The following MYO6 variants were observed in gnomAD, a reference collection of about 807,000 sequenced individuals.
MYO6 encodes the protein unconventional myosin-VI.
MYO6 carries 74 observed loss-of-function variants against 178.7 expected under a neutral mutation model. The ratio of observed to expected loss-of-function variants is 0.41; its 90% CI spans 0.34 to 0.50. The LOEUF is 0.50. Among genes scored for constraint, MYO6 ranks in the 20% least tolerant of loss-of-function variants. The probability of loss-of-function intolerance (pLI) is 0.09; values close to 1 mark genes in which losing one functional copy is unlikely to be tolerated. For synonymous variants in MYO6, 477 were observed against 504.6 expected, an observed-to-expected ratio of 0.95 and a Z score of 0.73; for missense variants, 1,330 against 1,547.4, an observed-to-expected ratio of 0.86 and a Z score of 2.36.
chr6:75,828,550 G>A lies in MYO6; in HGVS notation c.198G>A (p.Met66Ile), dbSNP rs1403819837. The A allele has an allele frequency of 4.5e-6, 7 of 1,554,926 alleles. No individual in the cohort carries two copies. The highest frequency in any genetic ancestry group is 1.4e-5 in the African/African-American group (1 of 73,594). Reference protein sequence around the residue: ...KKDVEDNCSLMYLNEATLLHN... With the variant: ...KKDVEDNCSLIYLNEATLLHN... ...AATTTTATGTCTTAGGTTCACTAATGTATTTAAATGAAGCCACACTGCTCC... is the reference window on the plus strand; with the variant it reads ...AATTTTATGTCTTAGGTTCACTAATATATTTAAATGAAGCCACACTGCTCC... Residue 66 changes from methionine to isoleucine, a missense_variant, in exon 4 of 35, where the codon ATG becomes ATA. By Grantham distance (10) the Met-to-Ile change is conservative. Transcript: ENST00000369977.
intron 19 of MYO6, among the ~76,000 whole-genome samples, chr6:75,872,758 A>G (rs1371235233): frequency 6.6e-6 from 1 of 151,972 alleles, no homozygotes; most frequent in Non-Finnish European, 1.5e-5. Context: ...GCTTTAAAGC[A>G]GAAAAAGTAT....
intron 1 of MYO6, among the ~76,000 whole-genome samples, chr6:75,777,160 C>T (rs1766473625): frequency 6.6e-6 from 1 of 152,068 alleles, no homozygotes; most frequent in African/African-American, 2.4e-5. Flanking sequence ...ATTTTCATAA[C>T]TGTGATGGAT....
At chr6:75,796,035 A>G (rs1250801011) in intron 1 of MYO6, among the ~76,000 whole-genome samples, 1 of 152,212 alleles carries the variant, frequency 6.6e-6, no homozygotes, top group African/African-American at 2.4e-5. Context: ...TTTTCTTTTA[A>G]TTTTATTTGA....
rs755318350 is a variant in MYO6, at chr6:75,886,901, G to A, written c.2565G>A (p.Glu855=). 17 of 1,613,558 alleles carry A rather than the reference G, an allele frequency of 1.1e-5. No homozygotes were observed. The highest frequency in any genetic ancestry group is 1.3e-5 in the Non-Finnish European group (15 of 1,179,690). The change falls in exon 25 of 35, where the codon GAG becomes GAA. Residue 855 remains glutamate, a synonymous_variant. Coordinates refer to ENST00000369977, the MANE Select transcript of MYO6 (RefSeq NM_004999.4). ...AAAAACGACTTGATAAATTTAATGAGGTAGTCAGTGTGTTGAAAGATGGAA... is the reference window on the plus strand; with the variant it reads ...AAAAACGACTTGATAAATTTAATGAAGTAGTCAGTGTGTTGAAAGATGGAA... ...TLKKRLDKFN[E]VVSVLKDGKP...
In MYO6 at chr6:75,896,486, G is replaced by A. The variant is rs561427925; in HGVS notation, c.3137+1226G>A. 5.9e-5 allele frequency among the ~76,000 whole-genome samples: 9 copies of A among 152,320 alleles called. No individual in the cohort carries two copies. The South Asian group carries it at 1.9e-3, about 32-fold the overall frequency. On this transcript the variant is annotated intron_variant, in intron 29 of 34. Coordinates refer to ENST00000369977, the MANE Select transcript of MYO6 (RefSeq NM_004999.4). ...TGTGAACAATCCTTTGTGAAGTTCT[G>A]AACAGAGCCAAGTACAATATTCTCT... is the stretch of plus-strand genomic sequence containing the variant.
intron 30 of MYO6, among the ~76,000 whole-genome samples, chr6:75,900,816 T>C (rs940627409): frequency 2.0e-5 from 3 of 151,206 alleles, no homozygotes; most frequent in Non-Finnish European, 4.4e-5. Context: ...CCCATGCCTA[T>C]GTCCTGAATG....
chr6:75,766,772 G>C (rs575917476), intron 1 of MYO6, among the ~76,000 whole-genome samples: 2 of 152,242 alleles, frequency 1.3e-5, no homozygotes, highest in South Asian at 4.1e-4. Context: ...GTCAGTGTGT[G>C]TTAAAGCAAT....
At chr6:75,839,838 A>T (rs1774039262) in intron 7 of MYO6, among the ~76,000 whole-genome samples, 1 of 152,112 alleles carries the variant, frequency 6.6e-6, no homozygotes, top group African/African-American at 2.4e-5. Flanking sequence ...TTAATATGTG[A>T]AATGTTTTAG....
At chr6:75,829,661 A>G (rs984030002) in intron 4 of MYO6, among the ~76,000 whole-genome samples, 1 of 152,168 alleles carries the variant, frequency 6.6e-6, no homozygotes, top group Non-Finnish European at 1.5e-5. Flanking sequence ...AACTAAATAA[A>G]GAACATATTT....
rs1281489986 is a variant in MYO6 at position 75,886,777 on chromosome 6, T to C, written c.2508-67T>C. 4.1e-6 allele frequency: 6 copies of C among 1,474,186 alleles called. No individual in the cohort carries two copies. In the African/African-American group the frequency reaches 6.9e-5, roughly 17 times the overall value. 91.3% of individuals were successfully genotyped at this position (1,474,186 alleles called of 1,614,324 possible). On this transcript the variant is annotated intron_variant, in intron 24 of 34. Transcript: ENST00000369977. The stretch of plus-strand genomic sequence containing the variant: ...GTGAAATACCCTGTTTAGCATTTTA[T>C]AAATGAAAAATCTGCCAAAAGTACT...
At chr6:75,840,780 T>C in intron 8 of MYO6, 98 bp downstream of exon 8, 1 of 851,382 alleles carries the variant, frequency 1.2e-6, no homozygotes, top group Non-Finnish European at 2.0e-6. Flanking sequence ...GTAAATACCT[T>C]TAAGTTTCAT....
intron 25 of MYO6, among the ~76,000 whole-genome samples, chr6:75,889,049 A>G (rs917367870): frequency 6.6e-6 from 1 of 152,002 alleles, no homozygotes. Context: ...TCTCAGTTTC[A>G]TAGGTCAGTG....
chr6:75,873,222 C>T lies in MYO6; in HGVS notation c.1999C>T (p.Arg667Cys), dbSNP rs1165964527. The change falls in exon 20 of 35, where the codon CGT (arginine) becomes TGT (cysteine). Residue 667 changes from arginine (R) to cysteine (C), a missense_variant. Around this residue, in one of 3 missense-constraint regions of MYO6, gnomAD observed 613 missense variants for 816.8 expected, o/e 0.75. Coordinates refer to ENST00000369977, the MANE Select transcript of MYO6 (RefSeq NM_004999.4). The stretch of plus-strand genomic sequence containing the variant: ...ATTTTCCTAGGGAGCAAGCTTTATT[C>T]GTTGCATCAAACCTAACTTAAAGAT... ...KLRSTGASFI[R>C]CIKPNLKMTS... 7.4e-6 allele frequency: 12 copies of T among 1,613,784 alleles called. No individual in the cohort carries two copies. Among genetic ancestry groups the T allele is most frequent in the East Asian group, 2.2e-5 (1 of 44,868 alleles).
At chr6:75,840,781 TA>T in intron 8 of MYO6, 99 bp downstream of exon 8, 1 of 851,648 alleles carries the variant, frequency 1.2e-6, no homozygotes. Flanking sequence ...TAAATACCTT[TA>T]AGTTTCATTG....
intron 16 of MYO6, among the ~76,000 whole-genome samples, chr6:75,866,016 G>A (rs1373778374): frequency 1.3e-5 from 2 of 152,154 alleles, no homozygotes; most frequent in African/African-American, 2.4e-5. Context: ...TCATGTGTGC[G>A]ATCTTCCTCC....
chr6:75,911,925 A>G (rs1420100242), intron 33 of MYO6, among the ~76,000 whole-genome samples: 3 of 152,038 alleles, frequency 2.0e-5, no homozygotes, highest in African/African-American at 7.2e-5. Context: ...TTAATGTTTT[A>G]TCAAATTACT....
chr6:75,798,745 G>A (rs1583113740), intron 1 of MYO6, among the ~76,000 whole-genome samples: 1 of 146,382 alleles, frequency 6.8e-6, no homozygotes, highest in South Asian at 2.1e-4. Context: ...TCTTATTCTG[G>A]AAGTCCTAGC....
At chr6:75,770,331 A>T (rs953799251) in intron 1 of MYO6, among the ~76,000 whole-genome samples, 1 of 152,222 alleles carries the variant, frequency 6.6e-6, no homozygotes, top group Non-Finnish European at 1.5e-5. Flanking sequence ...ACCAACACAG[A>T]GAGATTGTTA....
chr6:75,844,575 A>T (rs1041402500), intron 9 of MYO6, among the ~76,000 whole-genome samples: 10 of 152,136 alleles, frequency 6.6e-5, no homozygotes, highest in African/African-American at 2.4e-4. Flanking sequence ...TCATGATTTT[A>T]TACACTATGT....
Sources: allele counts gnomAD v4.1 joint callset (sites outside exome capture counted in the v4.1 genomes callset), GRCh38; gene constraint gnomAD v4.1.1; regional missense constraint gnomAD v4.1.1; transcripts MANE v1.5; gene names NCBI Gene and HGNC (gene_info 2026-07-23, HGNC 2026-07-21).